MAK16: variants seen among roughly 807,000 people sequenced by gnomAD.
MAK16 encodes protein MAK16 homolog.
In MAK16, 12 loss-of-function variants were observed where a neutral mutation model predicts 49.9. The ratio of observed to expected loss-of-function variants is 0.24; its 90% CI spans 0.15 to 0.39. The LOEUF (loss-of-function observed/expected upper bound fraction) is 0.39, where lower values mean the gene tolerates loss of function less well. Among genes scored for constraint, MAK16 ranks in the 10% least tolerant of loss-of-function variants. The probability of loss-of-function intolerance (pLI) is 1.00; values close to 1 mark genes in which losing one functional copy is unlikely to be tolerated. For missense variants in MAK16, 292 were observed against 363.7 expected (o/e 0.80, Z 1.60); for synonymous variants, 115 against 126.4 (o/e 0.91, Z 0.60).
chr8:33,495,140 A>G (rs1808837496), intron 6 of MAK16, among the ~76,000 whole-genome samples: 1 of 152,202 alleles, frequency 6.6e-6, no homozygotes, highest in African/African-American at 2.4e-5. Context: ...CTATTCTGTC[A>G]CATGGAATCT....
At position 33,485,192 on chromosome 8, in the gene MAK16, T is replaced by G; in HGVS notation, c.-15T>G. ...CGCGATCCGACCGGAAGTTGCACGC[T>G]GAGCCGCGGACACCATGCAGTCGGA... On this transcript the variant is annotated 5_prime_UTR_variant, in exon 1 of 10. Transcript: ENST00000360128. The G allele has an allele frequency of 6.2e-7, 1 of 1,614,194 alleles. No homozygotes were observed. Among genetic ancestry groups the G allele is most frequent in the Non-Finnish European group, 8.5e-7 (1 of 1,180,036 alleles).
chr8:33,490,590 T>G (rs1444157994), intron 6 of MAK16, among the ~76,000 whole-genome samples: 1 of 152,244 alleles, frequency 6.6e-6, no homozygotes, highest in East Asian at 1.9e-4. Flanking sequence ...TTTTCTGAAT[T>G]TCTTGTGGTC....
chr8:33,489,835 C>T lies in MAK16; in HGVS notation c.393-450C>T, dbSNP rs113842790. On this transcript the variant is annotated intron_variant, in intron 5 of 9. Coordinates refer to ENST00000360128, the MANE Select transcript of MAK16 (RefSeq NM_032509.4). The surrounding 1 kb of genome is among the most constrained non-coding windows in gnomAD (Gnocchi z 4.2). ...TGAAATCCCCAGAATTAACAGAATA[C>T]CTTCTCTAGGACTGTTAGGCCCTAA... is the stretch of plus-strand genomic sequence containing the variant. Among the ~76,000 whole-genome samples, 7 of 152,262 alleles carry T rather than the reference C, an allele frequency of 4.6e-5. 2 individuals carry two copies. The highest frequency in any genetic ancestry group is 1.7e-4 in the African/African-American group (7 of 41,548).
intron 1 of MAK16, 200 bp downstream of exon 1, chr8:33,485,421 G>T (rs929718200): frequency 7.4e-6 from 5 of 674,082 alleles, no homozygotes; most frequent in African/African-American, 5.3e-5. Context: ...CGGCCGGGTT[G>T]TGAGCACAGG....
chr8:33,489,623 G>A lies in MAK16; in HGVS notation c.392+484G>A, dbSNP rs1808746019. On this transcript the variant is annotated intron_variant, in intron 5 of 9. Transcript: ENST00000360128. This position sits in a 1 kb window ranked among gnomAD's most constrained non-coding sequence, Gnocchi z 4.2. ...TAGAATTCCTGACCTCAAGCGATCC[G>A]CCTTAGCCTCCCAAAGTGCTGGGAT... Among the ~76,000 whole-genome samples the A allele has an allele frequency of 1.3e-5, 2 of 152,008 alleles. No homozygotes were observed. The highest frequency in any genetic ancestry group is 6.6e-5 in the Admixed American group (1 of 15,254).
chr8:33,488,879 G>C, intron 4 of MAK16, 81 bp downstream of exon 4: 2 of 1,599,610 alleles, frequency 1.3e-6, no homozygotes, highest in South Asian at 2.2e-5. Context: ...CCAATTCCAT[G>C]ACCATTAACT....
Position 33,500,428 on chromosome 8 carries a change from C to A in MAK16, c.*1799C>A. On this transcript the variant is annotated 3_prime_UTR_variant, in exon 10 of 10. Transcript: ENST00000360128. ...AGACTCAGGTGTAAGGTTTGGATCCCTTGCTACATCACAAATCAGTTTCAA... is the reference window on the plus strand; with the variant it reads ...AGACTCAGGTGTAAGGTTTGGATCCATTGCTACATCACAAATCAGTTTCAA... The A allele has an allele frequency of 6.2e-7, 1 of 1,614,088 alleles. No homozygotes were observed. Among genetic ancestry groups the A allele is most frequent in the Non-Finnish European group, 8.5e-7 (1 of 1,180,004 alleles).
chr8:33,485,303 G>GC, intron 1 of MAK16, 82 bp downstream of exon 1: 1 of 1,577,844 alleles, frequency 6.3e-7, no homozygotes, highest in Admixed American at 1.7e-5. Flanking sequence ...AAACGCGTAC[G>GC]CAGCGGGTCT....
chr8:33,488,820 C>T, intron 4 of MAK16, 22 bp downstream of exon 4: 5 of 1,613,408 alleles, frequency 3.1e-6, no homozygotes, highest in Non-Finnish European at 4.2e-6. Context: ...AACAAAACTA[C>T]AGTGACCGCT....
chr8:33,489,827 A>G lies in MAK16; in HGVS notation c.393-458A>G, dbSNP rs762221519. 9.9e-5 allele frequency among the ~76,000 whole-genome samples: 15 copies of G among 152,214 alleles called. No individual in the cohort carries two copies. Among genetic ancestry groups the G allele is most frequent in the South Asian group, 8.3e-4 (4 of 4,828 alleles). ...AAGTGATATGAAATCCCCAGAATTA[A>G]CAGAATACCTTCTCTAGGACTGTTA... On this transcript the variant is annotated intron_variant, in intron 5 of 9. Coordinates refer to ENST00000360128, the MANE Select transcript of MAK16 (RefSeq NM_032509.4). This position sits in a 1 kb window ranked among gnomAD's most constrained non-coding sequence, Gnocchi z 4.2.
At chr8:33,491,498 T>G (rs1327148082) in intron 6 of MAK16, among the ~76,000 whole-genome samples, 2 of 152,188 alleles carry the variant, frequency 1.3e-5, no homozygotes, top group African/African-American at 2.4e-5. Flanking sequence ...GATATTTCAT[T>G]GTTTTGATTT....
rs1395896123 is a variant in MAK16, at chr8:33,485,188, A to G, written c.-19A>G. ...CGCCCGCGATCCGACCGGAAGTTGC[A>G]CGCTGAGCCGCGGACACCATGCAGT... On this transcript the variant is annotated 5_prime_UTR_variant, in exon 1 of 10. Transcript: ENST00000360128. The G allele has an allele frequency of 4.3e-6, 7 of 1,613,988 alleles. No homozygotes were observed. Among genetic ancestry groups the G allele is most frequent in the African/African-American group, 2.7e-5 (2 of 74,906 alleles).
At chr8:33,490,780 G>A (rs1444783656) in intron 6 of MAK16, among the ~76,000 whole-genome samples, 1 of 152,130 alleles carries the variant, frequency 6.6e-6, no homozygotes, top group Non-Finnish European at 1.5e-5. Context: ...TATCCTTTGT[G>A]TTACAAACAG....
chr8:33,486,417 T>C (rs2676397), intron 1 of MAK16, among the ~76,000 whole-genome samples: 3,383 of 152,120 alleles, frequency 0.022, 62 homozygotes, highest in East Asian at 0.078. Context: ...CTGGGCGCGG[T>C]GGTGTTCGCC....
At position 33,499,301 on chromosome 8, in the gene MAK16, T is replaced by C; in HGVS notation, c.*672T>C. 1 of 1,541,410 alleles carries C rather than the reference T, an allele frequency of 6.5e-7. No individual in the cohort carries two copies. Among genetic ancestry groups the C allele is most frequent in the South Asian group, 1.1e-5 (1 of 89,120 alleles). On this transcript the variant is annotated 3_prime_UTR_variant, in exon 10 of 10. Coordinates refer to ENST00000360128, the MANE Select transcript of MAK16 (RefSeq NM_032509.4). ...CCCTGAAACATGAAACCAAACAGGCTTTGATATTTTTTTTTTTTTAATTAC... is the reference window on the plus strand; with the variant it reads ...CCCTGAAACATGAAACCAAACAGGCCTTGATATTTTTTTTTTTTTAATTAC...
At chr8:33,490,040 G>C (rs1464157767) in intron 5 of MAK16, among the ~76,000 whole-genome samples, 2 of 152,146 alleles carry the variant, frequency 1.3e-5, no homozygotes, top group African/African-American at 4.8e-5. Context: ...ACTTTTTATA[G>C]TATTAAATTT....
intron 7 of MAK16, among the ~76,000 whole-genome samples, chr8:33,496,251 T>G (rs934696979): frequency 1.3e-5 from 2 of 152,192 alleles, no homozygotes; most frequent in East Asian, 3.8e-4. Context: ...GAAATAAGTT[T>G]TTATTCTCTT....
intron 6 of MAK16, among the ~76,000 whole-genome samples, chr8:33,494,596 CA>C (rs1415136782): frequency 1.3e-5 from 2 of 152,178 alleles, no homozygotes; most frequent in Non-Finnish European, 2.9e-5. Flanking sequence ...ATCTGACACA[CA>C]ACTATTTACT....
rs371316680 is a variant in MAK16 at position 33,496,660 on chromosome 8, C to T, written c.558C>T (p.Phe186=). ...TCTACAACTTCCCCATTCATGCCTT[C>T]GACAAAGCCCTGGAACAACAGGAGG... ...GDIYNFPIHA[F]DKALEQQEAE... The change falls in exon 8 of 10, where the codon TTC becomes TTT. Residue 186 remains phenylalanine, a synonymous_variant. Transcript: ENST00000360128. 16 of 1,613,402 alleles carry T rather than the reference C, an allele frequency of 9.9e-6. No individual in the cohort carries two copies. Among genetic ancestry groups the T allele is most frequent in the African/African-American group, 2.7e-5 (2 of 74,986 alleles).
Sources: gnomAD v4.1 joint callset for allele counts (sites outside exome capture counted in the v4.1 genomes callset) on GRCh38, gnomAD v4.1.1 for gene constraint, Gnocchi (gnomAD v3.1) non-coding constraint, MANE v1.5 for transcripts, NCBI Gene and HGNC (gene_info 2026-07-23, HGNC 2026-07-21) for gene names.